Variants in CD109 observed in about 807,000 individuals in gnomAD.
CD109 encodes the protein CD109 antigen.
In CD109, 149 loss-of-function variants were observed where a neutral mutation model predicts 165.8. The ratio of observed to expected loss-of-function variants is 0.90; its 90% confidence interval spans 0.79 to 1.03. The LOEUF is 1.03. CD109 is among the 50% of genes least tolerant of loss of function. The probability of loss-of-function intolerance (pLI) is 0.00; values close to 1 mark genes in which losing one functional copy is unlikely to be tolerated. For synonymous variants in CD109, 585 were observed against 592.1 expected, an observed-to-expected ratio of 0.99 and a Z score of 0.18; for missense variants, 1,712 against 1,677.8, an observed-to-expected ratio of 1.02 and a Z score of -0.36.
chr6:73,808,300 T>G, intron 26 of CD109, 52 bp downstream of exon 26: 1 of 1,546,440 alleles, frequency 6.5e-7, no homozygotes, highest in East Asian at 2.3e-5. Context: ...ATATATAACT[T>G]ACATGAGAAA....
Position 73,820,496 on chromosome 6 carries a change from T to C in CD109, c.4095T>C (p.Ala1365=). The change falls in exon 32 of 33, where the codon GCT becomes GCC. Residue 1365 remains alanine (A), a synonymous_variant. Coordinates refer to ENST00000287097, the MANE Select transcript of CD109 (RefSeq NM_133493.5). ...CCCAGTTTTGTGTTAATATTCCTGC[T>C]GTGAGAAACTTTAAAGTTTCAAATA... is the stretch of plus-strand genomic sequence containing the variant. ...NETQFCVNIP[A]VRNFKVSNTQ... 6.2e-7 allele frequency: 1 copy of C among 1,612,386 alleles called. No homozygotes were observed. Among genetic ancestry groups the C allele is most frequent in the Non-Finnish European group, 8.5e-7 (1 of 1,178,902 alleles).
intron 15 of CD109, among the ~76,000 whole-genome samples, chr6:73,779,853 T>TA (rs533179046): frequency 2.1e-4 from 31 of 147,182 alleles, no homozygotes; most frequent in African/African-American, 5.0e-4. Context: ...GTACTATTCT[T>TA]AAAAAAAAAA....
intron 14 of CD109, among the ~76,000 whole-genome samples, chr6:73,770,193 G>C (rs554970925): frequency 6.6e-6 from 1 of 152,308 alleles, no homozygotes; most frequent in African/African-American, 2.4e-5. Flanking sequence ...TGAGGACCTT[G>C]AGAAAGACAT....
intron 24 of CD109, among the ~76,000 whole-genome samples, 193 bp from the exon 25 acceptor site, chr6:73,806,651 C>G (rs1251042232): frequency 1.3e-5 from 2 of 152,152 alleles, no homozygotes. Context: ...GTTCTGCCTG[C>G]TAGAGAGAGT....
intron 5 of CD109, among the ~76,000 whole-genome samples, chr6:73,744,668 G>A (rs888967071): frequency 1.3e-5 from 2 of 152,216 alleles, no homozygotes; most frequent in African/African-American, 4.8e-5. Context: ...TTGGCAGTGT[G>A]CATTTTAATT....
intron 2 of CD109, among the ~76,000 whole-genome samples, chr6:73,701,720 A>G (rs528425548): frequency 6.6e-6 from 1 of 152,246 alleles, no homozygotes; most frequent in South Asian, 2.1e-4. Context: ...TCAAGTAATA[A>G]AGAATATAAC....
chr6:73,692,691 G>A (rs754164465), upstream of CD109, among the ~76,000 whole-genome samples: 7 of 152,182 alleles, frequency 4.6e-5, no homozygotes, highest in Non-Finnish European at 8.8e-5. Context: ...TGTCACGGGA[G>A]GGACCCAGTG....
chr6:73,722,092 A>G (rs940310915), intron 2 of CD109, among the ~76,000 whole-genome samples: 4 of 152,236 alleles, frequency 2.6e-5, no homozygotes, highest in Non-Finnish European at 5.9e-5. Flanking sequence ...ATATAATTTT[A>G]TAAATCTAAT....
intron 15 of CD109, among the ~76,000 whole-genome samples, chr6:73,773,582 TGTTA>T (rs2150238604): frequency 6.6e-6 from 1 of 152,308 alleles, no homozygotes; most frequent in Admixed American, 6.5e-5. Context: ...TTTGTTACTC[TGTTA>T]GTTACAAACT....
At chr6:73,730,266 T>A in intron 3 of CD109, 78 bp from the exon 4 acceptor site, 1 of 938,836 alleles carries the variant, frequency 1.1e-6, no homozygotes, top group Non-Finnish European at 1.7e-6. Context: ...TATTTACTTT[T>A]TTTATTCTAA....
intron 32 of CD109, 23 bp from the exon 33 acceptor site, chr6:73,823,435 C>G (rs963860521): frequency 6.3e-7 from 1 of 1,583,200 alleles, no homozygotes; most frequent in African/African-American, 1.3e-5. Flanking sequence ...GCCGTGTGAA[C>G]TGATGTCTGC....
At chr6:73,702,425 A>G (rs943108416) in intron 2 of CD109, among the ~76,000 whole-genome samples, 3 of 152,192 alleles carry the variant, frequency 2.0e-5, no homozygotes, top group African/African-American at 7.2e-5. Context: ...AAGTAGATTA[A>G]TTAGTGTAGT....
rs1372130325 is a variant in CD109, at chr6:73,827,526, C to G, written c.*3893C>G. The G allele has an allele frequency of 1.3e-5, 2 of 151,804 alleles. No individual in the cohort carries two copies. The highest frequency in any genetic ancestry group is 4.8e-5 in the African/African-American group (2 of 41,306). 9.4% of individuals were successfully genotyped at this position (151,804 alleles called of 1,614,324 possible). A position where few individuals can be genotyped will look rare whatever the true frequency, so the allele number is the denominator to read the frequency against. On this transcript the variant is annotated 3_prime_UTR_variant, in exon 33 of 33. Transcript: ENST00000287097. ...GTTACACTGGGAGTAATTTGAGGTG[C>G]AATTATTTTTATTACTACTTTGAAT...
chr6:73,761,585 C>T (rs539922764), intron 7 of CD109, among the ~76,000 whole-genome samples: 1 of 152,158 alleles, frequency 6.6e-6, no homozygotes. Flanking sequence ...TGCAGTGGCA[C>T]GATCTTGGCT....
the CD109 span, among the ~76,000 whole-genome samples, chr6:73,687,488 T>A: frequency 7.9e-6 from 1 of 126,014 alleles, no homozygotes; most frequent in Admixed American, 9.0e-5. Context: ...TCCTTCCCTC[T>A]CCTCCCCTTC....
At position 73,815,136 on chromosome 6, in the gene CD109, T is replaced by C. The variant is rs1302131155; in HGVS notation, c.3911+13T>C. The stretch of plus-strand genomic sequence containing the variant: ...ATGTGTGTACAAGGTAAGTGTCTGC[T>C]TAGGTCTCTCTTCTTTTTTTCCTTT... On this transcript the variant is annotated intron_variant, in intron 30 of 32. Coordinates refer to ENST00000287097, the MANE Select transcript of CD109 (RefSeq NM_133493.5). 3.9e-6 allele frequency: 6 copies of C among 1,553,428 alleles called. No homozygotes were observed. The highest frequency in any genetic ancestry group is 1.3e-5 in the South Asian group (1 of 79,270).
the CD109 span, among the ~76,000 whole-genome samples, chr6:73,680,764 GC>G: frequency 6.6e-6 from 1 of 152,164 alleles, no homozygotes; most frequent in Non-Finnish European, 1.5e-5. Context: ...GTGATCCAGT[GC>G]TTTCTACCTC....
Position 73,774,168 on chromosome 6 carries a change from C to G in CD109, c.1827+2587C>G, listed in dbSNP as rs1210455076. Among the ~76,000 whole-genome samples the G allele has an allele frequency of 2.0e-5, 3 of 152,086 alleles. No individual in the cohort carries two copies. The East Asian group carries it at 5.8e-4, about 29-fold the overall frequency. On this transcript the variant is annotated intron_variant, in intron 15 of 32. Transcript: ENST00000287097. ...GCGTATTTTAAATTATTGAATTGAA[C>G]TTTTCAGTAATTTTGTGTCACATGC...
rs1173580473 is a variant in CD109 at position 73,827,891 on chromosome 6, C to A, written c.*4258C>A. The A allele has an allele frequency of 6.5e-6, 1 of 154,418 alleles. No homozygotes were observed. Among genetic ancestry groups the A allele is most frequent in the Non-Finnish European group, 1.5e-5 (1 of 68,202 alleles). The allele number at this position is 154,418 out of a possible 1,614,324, so 9.6% of individuals were successfully genotyped here. On this transcript the variant is annotated 3_prime_UTR_variant, in exon 33 of 33. Transcript: ENST00000287097. ...TAAGAATCATTCTATCTTATGTTGTCTTGAGGCCAAGATTTACCACGTTTG... is the reference window on the plus strand; with the variant it reads ...TAAGAATCATTCTATCTTATGTTGTATTGAGGCCAAGATTTACCACGTTTG...
Sources: allele counts gnomAD v4.1 joint callset (sites outside exome capture counted in the v4.1 genomes callset), GRCh38; gene constraint gnomAD v4.1.1; transcripts MANE v1.5; gene names NCBI Gene and HGNC (gene_info 2026-07-23, HGNC 2026-07-21).